The following ADGRG6 variants were observed in gnomAD, a reference collection of about 807,000 sequenced individuals.
The protein encoded by ADGRG6 is G-protein coupled receptor 126.
ADGRG6 carries 84 observed loss-of-function variants against 142.4 expected under a neutral mutation model. That is an observed-to-expected ratio of 0.59 (90% CI 0.49 to 0.71). ADGRG6 has a LOEUF of 0.71. Among genes scored for constraint, ADGRG6 ranks in the 30% least tolerant of loss-of-function variants. The pLI is 0.00. For missense variants in ADGRG6, 1,367 were observed against 1,466.6 expected, an observed-to-expected ratio of 0.93 and a Z score of 1.11; for synonymous variants, 521 against 520.5, an observed-to-expected ratio of 1.00 and a Z score of -0.01.
chr6:142,321,195 A>T (rs927485278), intron 2 of ADGRG6, among the ~76,000 whole-genome samples: 3 of 151,840 alleles, frequency 2.0e-5, no homozygotes, highest in African/African-American at 4.8e-5. Context: ...GAATTAAATT[A>T]AAAAAATGGC....
chr6:142,333,299 A>G (rs1779153551), intron 2 of ADGRG6, among the ~76,000 whole-genome samples: 1 of 152,114 alleles, frequency 6.6e-6, no homozygotes, highest in South Asian at 2.1e-4. Context: ...CCTTTGTTTT[A>G]ACTCATCACC....
chr6:142,317,834 T>C (rs1778189152), intron 2 of ADGRG6, among the ~76,000 whole-genome samples: 1 of 86,942 alleles, frequency 1.2e-5, no homozygotes, highest in Non-Finnish European at 2.0e-5. Flanking sequence ...TTATATTATA[T>C]ATATTTATAT....
chr6:142,385,218 A>G (rs144752353), intron 6 of ADGRG6, among the ~76,000 whole-genome samples: 1 of 152,310 alleles, frequency 6.6e-6, no homozygotes, highest in African/African-American at 2.4e-5. Flanking sequence ...TTCTTGAAGA[A>G]AGCCTTGTTT....
chr6:142,415,138 C>G, intron 19 of ADGRG6, 42 bp downstream of exon 19: 1 of 1,538,380 alleles, frequency 6.5e-7, no homozygotes, highest in Non-Finnish European at 8.8e-7. Context: ...GCTAACTGTT[C>G]CAAATGTGAA....
At chr6:142,401,596 A>G (rs1050779317) in intron 11 of ADGRG6, among the ~76,000 whole-genome samples, 2 of 152,212 alleles carry the variant, frequency 1.3e-5, no homozygotes, top group African/African-American at 2.4e-5. Context: ...CCCAAAAGTT[A>G]TTAACTAATC....
chr6:142,305,781 TATGCATG>T (rs1443513027), intron 1 of ADGRG6, among the ~76,000 whole-genome samples: 1 of 152,192 alleles, frequency 6.6e-6, no homozygotes, highest in African/African-American at 2.4e-5. Context: ...ATAAGCCAGT[TATGCATG>T]TTACTGTTCA....
chr6:142,331,147 A>AC (rs1779038092), intron 2 of ADGRG6, among the ~76,000 whole-genome samples: 1 of 151,910 alleles, frequency 6.6e-6, no homozygotes, highest in South Asian at 2.1e-4. Flanking sequence ...AAAAAAAAAA[A>AC]AACTATCAAA....
intron 22 of ADGRG6, among the ~76,000 whole-genome samples, chr6:142,431,995 A>G (rs981149037): frequency 5.9e-5 from 9 of 152,020 alleles, no homozygotes; most frequent in African/African-American, 1.9e-4. Context: ...ACAGAACTCT[A>G]TTAAAGTTTG....
intron 2 of ADGRG6, among the ~76,000 whole-genome samples, chr6:142,325,133 G>C (rs1466002401): frequency 2.6e-5 from 4 of 152,050 alleles, no homozygotes; most frequent in African/African-American, 7.2e-5. Context: ...AAGTACATAG[G>C]ATTTAAGAAA....
At chr6:142,391,710 A>T (rs949884990) in intron 7 of ADGRG6, among the ~76,000 whole-genome samples, 1 of 151,890 alleles carries the variant, frequency 6.6e-6, no homozygotes, top group Non-Finnish European at 1.5e-5. Flanking sequence ...GGAGATGTTT[A>T]ACCTCTCAAT....
intron 22 of ADGRG6, among the ~76,000 whole-genome samples, chr6:142,422,470 C>G (rs1327618212): frequency 7.9e-5 from 12 of 152,280 alleles, no homozygotes; most frequent in African/African-American, 2.9e-4. Flanking sequence ...CAATTTCATC[C>G]ATGTCCCTAC....
intron 2 of ADGRG6, among the ~76,000 whole-genome samples, chr6:142,329,172 A>G (rs1778920740): frequency 6.6e-6 from 1 of 152,186 alleles, no homozygotes. Flanking sequence ...ATTATTTAGC[A>G]CAGTTATTTG....
At chr6:142,310,507 A>G (rs1777713755) in intron 2 of ADGRG6, among the ~76,000 whole-genome samples, 1 of 151,662 alleles carries the variant, frequency 6.6e-6, no homozygotes, top group African/African-American at 2.4e-5. Context: ...TTTAATCAAG[A>G]TTTATTAATT....
At chr6:142,320,514 C>T (rs1778460174) in intron 2 of ADGRG6, among the ~76,000 whole-genome samples, 1 of 152,034 alleles carries the variant, frequency 6.6e-6, no homozygotes, top group Non-Finnish European at 1.5e-5. Flanking sequence ...AATTTTGCAA[C>T]AATGTTCCTT....
intron 2 of ADGRG6, among the ~76,000 whole-genome samples, chr6:142,338,027 T>TTTTTTTTTTTG (rs1779422805): frequency 8.6e-5 from 5 of 58,018 alleles, no homozygotes; most frequent in African/African-American, 2.8e-4. Context: ...GTTTTTTTTT[T>TTTTTTTTTTTG]TTTTTTTTTT....
intron 2 of ADGRG6, among the ~76,000 whole-genome samples, chr6:142,325,946 A>G (rs1037406791): frequency 6.6e-6 from 1 of 152,050 alleles, no homozygotes; most frequent in Non-Finnish European, 1.5e-5. Flanking sequence ...ATTTAAAACT[A>G]TGTAAGGTAG....
chr6:142,394,341 T>C (rs1251578458), intron 9 of ADGRG6, among the ~76,000 whole-genome samples: 1 of 152,182 alleles, frequency 6.6e-6, no homozygotes, highest in African/African-American at 2.4e-5. Context: ...GATGCCTAAA[T>C]GTTTTCAGCA....
chr6:142,420,150 A>G lies in ADGRG6; in HGVS notation c.3319+46A>G, dbSNP rs754433884. The G allele has an allele frequency of 5.4e-6, 8 of 1,487,412 alleles. No individual in the cohort carries two copies. In the African/African-American group the frequency reaches 8.4e-5, roughly 16 times the overall value. 92.1% of individuals were successfully genotyped at this position (1,487,412 alleles called of 1,614,324 possible). The stretch of plus-strand genomic sequence containing the variant: ...ATAGTCTCTGCTTTCTAATTTTGTC[A>G]TATTTGCAAGCAGCTTCACTTTTGG... On this transcript the variant is annotated intron_variant, in intron 22 of 24. Coordinates refer to ENST00000367609, the MANE Select transcript of ADGRG6 (RefSeq NM_198569.3).
In ADGRG6 at chr6:142,390,318, A is replaced by T; in HGVS notation, c.1283A>T (p.Lys428Ile). Residue 428 changes from lysine (K) to isoleucine (I), a missense_variant, in exon 7 of 25, where the codon AAA becomes ATA. Physicochemically the swap from Lys to Ile is moderately radical, Grantham distance 102. Coordinates refer to ENST00000367609, the MANE Select transcript of ADGRG6 (RefSeq NM_198569.3). ...AACATCCTTCGTCACCCTGAGGTAA[A>T]AGTACAGAGCAAGGTGGCAGAATGG... Reference protein sequence around the residue: ...IQNILRHPEVKVQSKVAEWLN... With the variant: ...IQNILRHPEVIVQSKVAEWLN... 6.3e-7 allele frequency: 1 copy of T among 1,599,912 alleles called. No individual in the cohort carries two copies. Among genetic ancestry groups the T allele is most frequent in the Non-Finnish European group, 8.6e-7 (1 of 1,169,516 alleles).
Sources: allele counts gnomAD v4.1 joint callset (sites outside exome capture counted in the v4.1 genomes callset), GRCh38; gene constraint gnomAD v4.1.1; transcripts MANE v1.5; gene names NCBI Gene and HGNC (gene_info 2026-07-23, HGNC 2026-07-21).